Variants in FBXW11 observed in about 807,000 individuals in gnomAD.
FBXW11 encodes the protein F-box/WD repeat-containing protein 11.
Under a neutral mutation model 77.6 loss-of-function variants are expected in FBXW11, and 19 were observed. The ratio of observed to expected loss-of-function variants is 0.24; its 90% CI spans 0.17 to 0.36. The LOEUF is 0.36. Among genes scored for constraint, FBXW11 ranks in the 10% least tolerant of loss-of-function variants. The probability of loss-of-function intolerance (pLI) is 1.00; values close to 1 mark genes in which losing one functional copy is unlikely to be tolerated. For missense variants in FBXW11, 334 were observed against 704.2 expected (o/e 0.47, Z 5.95); for synonymous variants, 235 against 249.4 (o/e 0.94, Z 0.54).
chr5:171,989,828 T>C (rs1363094216), intron 1 of FBXW11, among the ~76,000 whole-genome samples: 2 of 152,228 alleles, frequency 1.3e-5, no homozygotes, highest in Non-Finnish European at 2.9e-5. Context: ...CTTGATATTA[T>C]ATTATGGAAT....
At chr5:171,981,900 G>A (rs905406706) in intron 1 of FBXW11, among the ~76,000 whole-genome samples, 6 of 152,158 alleles carry the variant, frequency 3.9e-5, no homozygotes, top group African/African-American at 1.2e-4. Flanking sequence ...TCTAAGATAA[G>A]TCAAACATAA....
intron 2 of FBXW11, among the ~76,000 whole-genome samples, chr5:171,919,559 A>G (rs1761454094): frequency 6.6e-6 from 1 of 152,222 alleles, no homozygotes. Context: ...AAAGAAGAAT[A>G]GAGAAAATAA....
rs572095259 is a variant in FBXW11, at chr5:171,949,611, T to C, written c.147+7986A>G. On this transcript the variant is annotated intron_variant, in intron 2 of 13. Transcript: ENST00000517395. ...TAAATAACAGTTAATATATTTAATA[T>C]ATAAAGAGTTCCTATAAATCAGATT... 4.6e-5 allele frequency among the ~76,000 whole-genome samples: 7 copies of C among 152,234 alleles called. 1 individual carries two copies. In the East Asian group the frequency reaches 1.4e-3, roughly 29 times the overall value.
At chr5:171,948,395 A>C (rs1763130884) in intron 2 of FBXW11, among the ~76,000 whole-genome samples, 1 of 151,846 alleles carries the variant, frequency 6.6e-6, no homozygotes, top group Admixed American at 6.6e-5. Context: ...TTGACTGGTT[A>C]ATTTCTTCTT....
intron 3 of FBXW11, 144 bp from the exon 4 acceptor site, chr5:171,910,941 A>G: frequency 1.6e-6 from 1 of 612,142 alleles, no homozygotes; most frequent in South Asian, 2.3e-5. Context: ...TTACTAATTC[A>G]TTCAGGAATT....
intron 1 of FBXW11, among the ~76,000 whole-genome samples, chr5:171,963,440 T>C (rs977639306): frequency 3.3e-5 from 5 of 152,210 alleles, no homozygotes; most frequent in African/African-American, 7.2e-5. Context: ...AAAGGCTTAA[T>C]TAGAGAGACA....
At chr5:171,879,224 T>G (rs1011143822) in intron 7 of FBXW11, among the ~76,000 whole-genome samples, 11 of 152,214 alleles carry the variant, frequency 7.2e-5, no homozygotes, top group Non-Finnish European at 1.3e-4. Flanking sequence ...CCTTTTTAGA[T>G]TGGCTTCTTT....
intron 9 of FBXW11, among the ~76,000 whole-genome samples, chr5:171,875,751 C>T (rs1397402375): frequency 6.6e-6 from 1 of 152,176 alleles, no homozygotes; most frequent in Non-Finnish European, 1.5e-5. Flanking sequence ...TCCCCCTTCA[C>T]CGCATGCTAA....
chr5:171,990,998 G>T (rs887055666), intron 1 of FBXW11, among the ~76,000 whole-genome samples: 1 of 152,036 alleles, frequency 6.6e-6, no homozygotes, highest in Middle Eastern at 3.4e-3. Context: ...GCTAATTTTC[G>T]TATTTTTAGT....
At chr5:171,969,070 C>T (rs541545106) in intron 1 of FBXW11, among the ~76,000 whole-genome samples, 10 of 151,952 alleles carry the variant, frequency 6.6e-5, no homozygotes, top group African/African-American at 2.4e-4. Flanking sequence ...GAGTTTGAGA[C>T]CAGCCTGGCC....
rs1001368672 is a variant in FBXW11, at chr5:171,862,082, CA to C, written c.*2044del. The C allele has an allele frequency of 6.6e-6, 1 of 152,590 alleles. No homozygotes were observed. Among genetic ancestry groups the C allele is most frequent in the Admixed American group, 6.5e-5 (1 of 15,278 alleles). The allele number at this position is 152,590 out of a possible 1,614,324, so 9.5% of individuals were successfully genotyped here. ...AACTTCTATATTAAACATGCAAAAA[CA>C]ACAAAAAATCCATTCATTCATTCAG... On this transcript the variant is annotated 3_prime_UTR_variant, in exon 14 of 14. Coordinates refer to ENST00000517395, the MANE Select transcript of FBXW11 (RefSeq NM_001378974.1).
At chr5:171,997,923 A>G (rs1022897534) in intron 1 of FBXW11, among the ~76,000 whole-genome samples, 4 of 152,250 alleles carry the variant, frequency 2.6e-5, no homozygotes, top group Non-Finnish European at 4.4e-5. Context: ...CAGTAATTAT[A>G]GTAATACCTA....
Position 171,863,303 on chromosome 5 carries a change from C to T in FBXW11, c.*824G>A, listed in dbSNP as rs763784797. The T allele has an allele frequency of 6.5e-6, 1 of 152,736 alleles. No individual in the cohort carries two copies. Among genetic ancestry groups the T allele is most frequent in the Non-Finnish European group, 1.5e-5 (1 of 68,058 alleles). The allele number at this position is 152,736 out of a possible 1,614,324, so 9.5% of individuals were successfully genotyped here. A position where few individuals can be genotyped will look rare whatever the true frequency, so the allele number is the denominator to read the frequency against. On this transcript the variant is annotated 3_prime_UTR_variant, in exon 14 of 14. Coordinates refer to ENST00000517395, the MANE Select transcript of FBXW11 (RefSeq NM_001378974.1). The stretch of plus-strand genomic sequence containing the variant: ...ACACTCTGTATTAGTGTCTCAAGCA[C>T]AGGGGGCCCTGACTCCAGCAACTTT...
At chr5:171,948,858 G>A (rs576527649) in intron 2 of FBXW11, among the ~76,000 whole-genome samples, 1 of 152,284 alleles carries the variant, frequency 6.6e-6, no homozygotes, top group East Asian at 1.9e-4. Context: ...AATTACAACT[G>A]CTAGTAAGGC....
intron 10 of FBXW11, 77 bp downstream of exon 10, chr5:171,872,795 G>A: frequency 9.8e-6 from 10 of 1,020,150 alleles, no homozygotes; most frequent in Middle Eastern, 2.7e-4. Flanking sequence ...GAGTTGTTTT[G>A]AGCATTAGAA....
chr5:171,869,334 CA>C lies in FBXW11; in HGVS notation c.1530+394del, dbSNP rs1757619638. Among the ~76,000 whole-genome samples the C allele has an allele frequency of 6.6e-6, 1 of 151,996 alleles. No individual in the cohort carries two copies. Among genetic ancestry groups the C allele is most frequent in the Admixed American group, 6.6e-5 (1 of 15,242 alleles). ...CAATATTTCCAAATGACTATCTCTT[CA>C]AAAATATAACAGTACTTATAAATGG... On this transcript the variant is annotated intron_variant, in intron 12 of 13. Coordinates refer to ENST00000517395, the MANE Select transcript of FBXW11 (RefSeq NM_001378974.1). The surrounding 1 kb of genome is among the most constrained non-coding windows in gnomAD (Gnocchi z 4.1).
intron 2 of FBXW11, among the ~76,000 whole-genome samples, chr5:171,955,377 T>C (rs1763554310): frequency 6.6e-6 from 1 of 152,158 alleles, no homozygotes; most frequent in African/African-American, 2.4e-5. Context: ...ATTCCTTCCC[T>C]TCTCAGGCCT....
Position 171,904,127 on chromosome 5 carries a change from T to C in FBXW11, c.437-4027A>G, listed in dbSNP as rs974216070. ...GCCTGGACAGCATGGCAAAACTCCA[T>C]CTCTACTAAATATACAAAAATTAGC... On this transcript the variant is annotated intron_variant, in intron 4 of 13. Transcript: ENST00000517395. The surrounding 1 kb of genome is among the most constrained non-coding windows in gnomAD (Gnocchi z 4.0). Among the ~76,000 whole-genome samples, 1 of 152,006 alleles carries C rather than the reference T, an allele frequency of 6.6e-6. No individual in the cohort carries two copies. Among genetic ancestry groups the C allele is most frequent in the African/African-American group, 2.4e-5 (1 of 41,370 alleles).
chr5:172,003,075 G>A (rs1237942236), intron 1 of FBXW11: 2 of 152,150 alleles, frequency 1.3e-5, no homozygotes, highest in Non-Finnish European at 2.9e-5. Flanking sequence ...AGATAAGACA[G>A]AAGGGAAATG....
Sources: allele counts gnomAD v4.1 joint callset (sites outside exome capture counted in the v4.1 genomes callset), GRCh38; gene constraint gnomAD v4.1.1; non-coding constraint Gnocchi (gnomAD v3.1); transcripts MANE v1.5; gene names NCBI Gene and HGNC (gene_info 2026-07-23, HGNC 2026-07-21).